The following ARL3 variants were observed in gnomAD, a reference collection of about 807,000 sequenced individuals.
The protein encoded by ARL3 is ADP-ribosylation factor-like protein 3.
Under a neutral mutation model 26.0 loss-of-function variants are expected in ARL3, and 9 were observed. The observed-to-expected ratio is 0.35, with a 90% CI of 0.21 to 0.60. The LOEUF (loss-of-function observed/expected upper bound fraction) is 0.60, where lower values mean the gene tolerates loss of function less well. Among genes scored for constraint, ARL3 ranks in the 20% least tolerant of loss-of-function variants. The pLI, the probability that ARL3 is intolerant of heterozygous loss-of-function variation, is 0.78. For synonymous variants in ARL3, 71 were observed against 78.4 expected (o/e 0.91, Z 0.50); for missense variants, 158 against 215.7 (o/e 0.73, Z 1.67).
intron 3 of ARL3, among the ~76,000 whole-genome samples, chr10:102,690,886 CTTT>C (rs754286740): frequency 4.5e-5 from 6 of 134,576 alleles, no homozygotes; most frequent in Non-Finnish European, 1.6e-5. Context: ...TTTCAAACCT[CTTT>C]TTTTTTTTTT....
intron 3 of ARL3, 89 bp from the exon 4 acceptor site, chr10:102,690,032 A>C (rs1404187033): frequency 1.3e-6 from 1 of 762,988 alleles, no homozygotes; most frequent in Admixed American, 2.4e-5. Context: ...ATCCCCAATC[A>C]GCATATTCCA....
rs2064127922 is a variant in ARL3 at position 102,675,892 on chromosome 10, G to T, written c.*1002C>A. On this transcript the variant is annotated 3_prime_UTR_variant, in exon 6 of 6. Transcript: ENST00000260746. Reference sequence around the variant, plus strand: ...GCTTTTCTCAGTGGAGCAGGTTCATGGTAAAGCTGCATTTATTTCTAAAAT... The same window carrying T: ...GCTTTTCTCAGTGGAGCAGGTTCATTGTAAAGCTGCATTTATTTCTAAAAT... 1 of 152,538 alleles carries T rather than the reference G, an allele frequency of 6.6e-6. No homozygotes were observed. Among genetic ancestry groups the T allele is most frequent in the African/African-American group, 2.4e-5 (1 of 41,396 alleles). The allele number at this position is 152,538 out of a possible 1,614,324, so 9.4% of individuals were successfully genotyped here. A position where few individuals can be genotyped will look rare whatever the true frequency, so the allele number is the denominator to read the frequency against.
At chr10:102,697,144 G>A (rs1472099173) in intron 3 of ARL3, among the ~76,000 whole-genome samples, 2 of 151,852 alleles carry the variant, frequency 1.3e-5, no homozygotes, top group East Asian at 1.9e-4. Flanking sequence ...TGACAGCTAT[G>A]TCACTAGGTA....
rs185904201 is a variant in ARL3 at position 102,694,033 on chromosome 10, G to T, written c.265-4090C>A. Among the ~76,000 whole-genome samples, 757 of 152,070 alleles carry T rather than the reference G, an allele frequency of 5.0e-3. 9 individuals are homozygous for T. Among genetic ancestry groups the T allele is most frequent in the Admixed American group, 0.024 (369 of 15,262 alleles). ...GATGGATTCTTGCTCTGTCGCCCAG[G>T]CTGGAGTGCAGTGGTGTGATCTCGG... On this transcript the variant is annotated intron_variant, in intron 3 of 5. Coordinates refer to ENST00000260746, the MANE Select transcript of ARL3 (RefSeq NM_004311.4).
At chr10:102,690,913 GT>G (rs2064213659) in intron 3 of ARL3, among the ~76,000 whole-genome samples, 1 of 147,640 alleles carries the variant, frequency 6.8e-6, no homozygotes, top group Non-Finnish European at 1.5e-5. Context: ...TTGAGATGGG[GT>G]CTTGCTATGT....
At chr10:102,699,520 T>G (rs1564732309) in intron 2 of ARL3, 31 bp from the exon 3 acceptor site, 2 of 1,321,944 alleles carry the variant, frequency 1.5e-6, no homozygotes, top group African/African-American at 2.9e-5. Context: ...TCAAGTTTTA[T>G]TAAACTTTGG....
intron 5 of ARL3, among the ~76,000 whole-genome samples, chr10:102,683,735 C>T (rs534854015): frequency 5.3e-5 from 8 of 152,092 alleles, no homozygotes; most frequent in Non-Finnish European, 1.0e-4. Context: ...CTAAAGATCC[C>T]GTGAAGGGCA....
At chr10:102,714,178 C>T in intron 1 of ARL3, 95 bp downstream of exon 1, 2 of 1,280,372 alleles carry the variant, frequency 1.6e-6, no homozygotes, top group Non-Finnish European at 2.0e-6. Flanking sequence ...CGTCCCATTC[C>T]CTCCTTGGCT....
At chr10:102,681,455 A>G (rs1341925467) in intron 5 of ARL3, among the ~76,000 whole-genome samples, 1 of 152,128 alleles carries the variant, frequency 6.6e-6, no homozygotes. Flanking sequence ...AATCAAGGAA[A>G]AAGAAGCAAA....
intron 1 of ARL3, among the ~76,000 whole-genome samples, chr10:102,705,928 T>G (rs978958618): frequency 2.6e-5 from 4 of 152,290 alleles, no homozygotes; most frequent in Admixed American, 6.5e-5. Context: ...AAACAGACAC[T>G]AGATAACACT....
chr10:102,708,909 T>TATATATATATATA (rs561344200), intron 1 of ARL3, among the ~76,000 whole-genome samples: 4 of 80,410 alleles, frequency 5.0e-5, no homozygotes, highest in African/African-American at 1.5e-4. Context: ...TATATATATA[T>TATATATATATATA]TTTTTTTTTT....
intron 1 of ARL3, among the ~76,000 whole-genome samples, chr10:102,710,032 A>C (rs1346169408): frequency 6.9e-6 from 1 of 145,906 alleles, no homozygotes; most frequent in South Asian, 2.1e-4. Flanking sequence ...AGACTGTTTC[A>C]AAAAAAAAAA....
intron 3 of ARL3, among the ~76,000 whole-genome samples, chr10:102,690,621 G>C (rs915576908): frequency 6.6e-6 from 1 of 152,072 alleles, no homozygotes; most frequent in African/African-American, 2.4e-5. Flanking sequence ...TAAACACAAA[G>C]CTGATATTAA....
At chr10:102,694,136 T>C (rs1264517499) in intron 3 of ARL3, among the ~76,000 whole-genome samples, 1 of 152,062 alleles carries the variant, frequency 6.6e-6, no homozygotes, top group Non-Finnish European at 1.5e-5. Context: ...TACAGGCGCC[T>C]GCCACCGCGC....
intron 3 of ARL3, among the ~76,000 whole-genome samples, chr10:102,696,968 G>T (rs7904252): frequency 0.32 from 48,729 of 151,940 alleles, 8,260 homozygotes; most frequent in African/African-American, 0.37. Flanking sequence ...ATCATACAGT[G>T]TACTTACACA....
At chr10:102,682,787 A>G (rs1166208173) in intron 5 of ARL3, among the ~76,000 whole-genome samples, 1 of 152,190 alleles carries the variant, frequency 6.6e-6, no homozygotes, top group Non-Finnish European at 1.5e-5. Flanking sequence ...CAGAAATTCC[A>G]GGTCCTTTTT....
intron 2 of ARL3, 36 bp from the exon 3 acceptor site, chr10:102,699,525 C>CT (rs1359938070): frequency 3.2e-6 from 4 of 1,255,264 alleles, no homozygotes; most frequent in Non-Finnish European, 4.6e-6. Context: ...TTTTATTAAA[C>CT]TTTGGGATCA....
intron 1 of ARL3, among the ~76,000 whole-genome samples, chr10:102,713,862 G>T (rs944717527): frequency 6.6e-6 from 1 of 152,212 alleles, no homozygotes; most frequent in East Asian, 1.9e-4. Flanking sequence ...GCTTCTGGCC[G>T]GGCTCCAGAC....
chr10:102,675,021 C>T lies in ARL3; in HGVS notation c.*1873G>A, dbSNP rs991708285. The T allele has an allele frequency of 3.9e-5, 6 of 152,192 alleles. No individual in the cohort carries two copies. The highest frequency in any genetic ancestry group is 1.4e-4 in the African/African-American group (6 of 41,448). The allele number at this position is 152,192 out of a possible 1,614,324, so 9.4% of individuals were successfully genotyped here. Reference sequence around the variant, plus strand: ...CATTTTGCCCCTCAGATAACTTGTCCCTGCTGAACTATTCGGAAGAAAAAA... The same window carrying T: ...CATTTTGCCCCTCAGATAACTTGTCTCTGCTGAACTATTCGGAAGAAAAAA... On this transcript the variant is annotated 3_prime_UTR_variant, in exon 6 of 6. Coordinates refer to ENST00000260746, the MANE Select transcript of ARL3 (RefSeq NM_004311.4).
Sources: gnomAD v4.1 joint callset for allele counts (sites outside exome capture counted in the v4.1 genomes callset) on GRCh38, gnomAD v4.1.1 for gene constraint, MANE v1.5 for transcripts, NCBI Gene and HGNC (gene_info 2026-07-23, HGNC 2026-07-21) for gene names.